AASS: variants seen among roughly 807,000 people sequenced by gnomAD.
The protein encoded by AASS is alpha-aminoadipic semialdehyde synthase, mitochondrial.
In AASS, 86 loss-of-function variants were observed where a neutral mutation model predicts 105.4. That is an observed-to-expected ratio of 0.82 (90% CI 0.69 to 0.98). The LOEUF (loss-of-function observed/expected upper bound fraction) is 0.98. Ranked by LOEUF, AASS falls within the 50% of genes least tolerant of loss-of-function variation. The pLI is 0.00. For missense variants in AASS, 1,048 were observed against 1,143.2 expected (o/e 0.92, Z 1.20); for synonymous variants, 381 against 394.8 (o/e 0.96, Z 0.41).
Position 122,076,530 on chromosome 7 carries a change from C to T in AASS, c.2740G>A (p.Glu914Lys). The T allele has an allele frequency of 1.2e-6, 2 of 1,613,908 alleles. No homozygotes were observed. Among genetic ancestry groups the T allele is most frequent in the Non-Finnish European group, 1.7e-6 (2 of 1,179,830 alleles). ...YGPILERIKA[E>K]GIIYTTQSTI... is the part of the protein sequence containing the mutation. ...CTCTGTGTAGTATATATAATGCCTTCTGCTTTAATTCGCTCCAATATTGGT... is the reference window on the plus strand; with the variant it reads ...CTCTGTGTAGTATATATAATGCCTTTTGCTTTAATTCGCTCCAATATTGGT... The change falls in exon 24 of 24, where the codon GAA becomes AAA. Residue 914 changes from glutamate (E) to lysine (K), a missense_variant. Coordinates refer to ENST00000417368, the MANE Select transcript of AASS (RefSeq NM_005763.4).
intron 15 of AASS, among the ~76,000 whole-genome samples, chr7:122,097,556 T>C (rs888779332): frequency 6.6e-6 from 1 of 152,156 alleles, no homozygotes; most frequent in Middle Eastern, 3.4e-3. Flanking sequence ...CTGATGTCTG[T>C]TGTTCCTTTC....
At chr7:122,108,099 A>T (rs1291677255) in intron 11 of AASS, among the ~76,000 whole-genome samples, 1 of 151,966 alleles carries the variant, frequency 6.6e-6, no homozygotes, top group Admixed American at 6.6e-5. Flanking sequence ...GACACATACA[A>T]CCTACCAAGA....
At chr7:122,117,465 C>A (rs1177111747) in intron 6 of AASS, among the ~76,000 whole-genome samples, 1 of 152,040 alleles carries the variant, frequency 6.6e-6, no homozygotes, top group African/African-American at 2.4e-5. Flanking sequence ...GAATTCCAGT[C>A]TTAAATGAAT....
intron 2 of AASS, 69 bp downstream of exon 2, chr7:122,133,448 C>T: frequency 6.6e-7 from 1 of 1,523,470 alleles, no homozygotes; most frequent in Non-Finnish European, 9.1e-7. Context: ...TTTATTTTCA[C>T]TCAGATGCTC....
intron 11 of AASS, 74 bp downstream of exon 11, chr7:122,113,044 A>G (rs764854392): frequency 2.5e-6 from 3 of 1,219,224 alleles, no homozygotes; most frequent in Non-Finnish European, 3.6e-6. Context: ...ACAGAAGACC[A>G]GAACATTCAC....
At chr7:122,078,834 T>A (rs1021943908) in intron 22 of AASS, 28 bp downstream of exon 22, 1 of 1,585,104 alleles carries the variant, frequency 6.3e-7, no homozygotes, top group Non-Finnish European at 8.7e-7. Flanking sequence ...CTTCTTTAGG[T>A]ATATTTAGCT....
At chr7:122,086,545 A>C (rs983170280) in intron 18 of AASS, among the ~76,000 whole-genome samples, 1 of 151,438 alleles carries the variant, frequency 6.6e-6, no homozygotes, top group African/African-American at 2.4e-5. Flanking sequence ...AATTTTTAAA[A>C]AATTTATTTT....
Position 122,126,433 on chromosome 7 carries a change from T to A in AASS, c.414A>T (p.Lys138Asn), listed in dbSNP as rs1409904317. The A allele has an allele frequency of 6.2e-7, 1 of 1,613,930 alleles. No homozygotes were observed. The highest frequency in any genetic ancestry group is 8.5e-7 in the Non-Finnish European group (1 of 1,179,884). Residue 138 changes from lysine to asparagine, a missense_variant, in exon 4 of 24, where the codon AAA becomes AAT. Physicochemically the swap from Lys to Asn is moderately conservative, Grantham distance 94. Transcript: ENST00000417368. The part of the protein sequence containing the change: ...KQEIRLIDYE[K>N]MVDHRGVRVV... ...CCCGTACTCCTCTATGATCCACCAT[T>A]TTCTCATAATCAATAAGGCGAATTT...
At chr7:122,091,682 T>G (rs1793906840) in intron 18 of AASS, 21 bp downstream of exon 18, 1 of 1,613,210 alleles carries the variant, frequency 6.2e-7, no homozygotes, top group Non-Finnish European at 8.5e-7. Context: ...GATATCACTA[T>G]GCTTGGATAA....
At chr7:122,098,896 A>AAT in intron 13 of AASS, 30 bp from the exon 14 acceptor site, 2 of 1,439,134 alleles carry the variant, frequency 1.4e-6, no homozygotes, top group Non-Finnish European at 1.9e-6. Context: ...AAAAAAAAAA[A>AAT]GGGAAGGGGC....
chr7:122,133,793 A>G, intron 1 of AASS, 52 bp from the exon 2 acceptor site: 2 of 1,492,190 alleles, frequency 1.3e-6, no homozygotes, highest in Non-Finnish European at 1.9e-6. Context: ...AGGCTGGCAG[A>G]TCAGTTCTGG....
intron 4 of AASS, among the ~76,000 whole-genome samples, chr7:122,119,104 A>C (rs1204899639): frequency 2.6e-5 from 4 of 152,168 alleles, no homozygotes; most frequent in African/African-American, 9.7e-5. Context: ...TAAATAGCTA[A>C]ACTCAGTGAA....
rs1407047875 is a variant in AASS at position 122,091,798 on chromosome 7, G to T, written c.1921C>A (p.His641Asn). ...SYCGGLPAPE[H>N]SNNPLRYKFS... is the part of the protein sequence containing the mutation. Reference sequence around the variant, plus strand: ...TTATATCTCAATGGATTGTTTGAATGTTCAGGGGCTGGAAGCCCACCACAG... The same window carrying T: ...TTATATCTCAATGGATTGTTTGAATTTTCAGGGGCTGGAAGCCCACCACAG... The change falls in exon 18 of 24, where the codon CAT becomes AAT. Residue 641 changes from histidine to asparagine, a missense_variant. Physicochemically the swap from His to Asn is moderately conservative, Grantham distance 68 (BLOSUM62 1). Transcript: ENST00000417368. 3 of 1,612,926 alleles carry T rather than the reference G, an allele frequency of 1.9e-6. No individual in the cohort carries two copies. In the East Asian group the frequency reaches 6.7e-5, roughly 36 times the overall value.
chr7:122,117,923 T>C (rs1795263202), intron 6 of AASS, among the ~76,000 whole-genome samples: 1 of 152,068 alleles, frequency 6.6e-6, no homozygotes, highest in African/African-American at 2.4e-5. Flanking sequence ...CCCAAAGCAC[T>C]GGGATTATAG....
At chr7:122,081,077 G>A (rs764642960) in intron 20 of AASS, among the ~76,000 whole-genome samples, 9 of 152,154 alleles carry the variant, frequency 5.9e-5, no homozygotes, top group Non-Finnish European at 1.2e-4. Flanking sequence ...ATGGTTATAA[G>A]TAACCAAATG....
chr7:122,092,364 A>G (rs1793945478), intron 17 of AASS, among the ~76,000 whole-genome samples: 1 of 152,186 alleles, frequency 6.6e-6, no homozygotes, highest in Non-Finnish European at 1.5e-5. Context: ...TAAAATTTGT[A>G]TTAAGCCAAA....
At chr7:122,101,514 A>C in intron 12 of AASS, 76 bp from the exon 13 acceptor site, 1 of 1,482,868 alleles carries the variant, frequency 6.7e-7, no homozygotes, top group South Asian at 1.1e-5. Flanking sequence ...TGACTGATAG[A>C]GAAAAGACAG....
chr7:122,125,752 G>A (rs1043053125), intron 4 of AASS, among the ~76,000 whole-genome samples: 1 of 151,674 alleles, frequency 6.6e-6, no homozygotes, highest in African/African-American at 2.4e-5. Context: ...CAAATATTTA[G>A]AAGCACAGGT....
chr7:122,078,047 C>T, intron 22 of AASS, 33 bp from the exon 23 acceptor site: 1 of 1,592,804 alleles, frequency 6.3e-7, no homozygotes, highest in Middle Eastern at 1.7e-4. Flanking sequence ...AAAAATACCA[C>T]TATCATTACA....
Sources: allele counts gnomAD v4.1 joint callset (sites outside exome capture counted in the v4.1 genomes callset), GRCh38; gene constraint gnomAD v4.1.1; transcripts MANE v1.5; gene names NCBI Gene and HGNC (gene_info 2026-07-23, HGNC 2026-07-21).